The following ROBO2 variants were observed in gnomAD, a reference collection of about 807,000 sequenced individuals.
ROBO2 encodes the protein roundabout guidance receptor 2.
A neutral mutation model predicts 160.8 loss-of-function variants in ROBO2; 53 were observed. The ratio of observed to expected loss-of-function variants is 0.33; its 90% CI spans 0.26 to 0.41. The LOEUF is 0.41. Among genes scored for constraint, ROBO2 ranks in the 10% least tolerant of loss-of-function variants. The pLI, the probability that ROBO2 is intolerant of heterozygous loss-of-function variation, is 1.00. For missense variants in ROBO2, 1,577 were observed against 1,722.4 expected (o/e 0.92, Z 1.49); for synonymous variants, 664 against 611.7 (o/e 1.09, Z -1.26).
At position 76,675,433 on chromosome 3, in the gene ROBO2, A is replaced by G. The variant is rs576868294; in HGVS notation, c.110-422581A>G. Among the ~76,000 whole-genome samples the G allele has an allele frequency of 2.9e-3, 339 of 118,222 alleles. 1 individual carries two copies. The highest frequency in any genetic ancestry group is 0.012 in the African/African-American group (326 of 28,214). The allele number at this position is 118,222 out of a possible 152,430, so 77.6% of individuals were successfully genotyped here. ...ACAATGATTTTCTCCCCAGGGGGGA[A>G]AAAGAAACGAAAACACATTTACAAA... is the stretch of plus-strand genomic sequence containing the variant. On this transcript the variant is annotated intron_variant, in intron 2 of 26. Coordinates refer to the ROBO2 transcript ENST00000487694.
At chr3:77,288,750 TG>T (rs2060798705) in intron 2 of ROBO2, among the ~76,000 whole-genome samples, 1 of 151,998 alleles carries the variant, frequency 6.6e-6, no homozygotes, top group South Asian at 2.1e-4. Flanking sequence ...TCATATGTAC[TG>T]GGGAAAAAAA....
chr3:76,885,506 T>C (rs2073788175), intron 2 of ROBO2, among the ~76,000 whole-genome samples: 1 of 152,184 alleles, frequency 6.6e-6, no homozygotes, highest in Admixed American at 6.5e-5. Context: ...ATGATAGAGT[T>C]AATAAGCAAG....
chr3:77,612,287 T>G (rs1287691686), intron 21 of ROBO2, among the ~76,000 whole-genome samples: 3 of 152,204 alleles, frequency 2.0e-5, no homozygotes, highest in Non-Finnish European at 4.4e-5. Context: ...TGAAGGAAAC[T>G]ATAAAAACAG....
intron 2 of ROBO2, among the ~76,000 whole-genome samples, chr3:77,125,785 A>G (rs1175345388): frequency 2.0e-5 from 3 of 152,222 alleles, no homozygotes; most frequent in East Asian, 1.9e-4. Flanking sequence ...TAACTGAAGT[A>G]TAAGTTGATT....
chr3:76,672,262 T>G (rs1349008), intron 2 of ROBO2, among the ~76,000 whole-genome samples: 49,891 of 151,650 alleles, frequency 0.33, 9,066 homozygotes, highest in East Asian at 0.53. Context: ...AAGGGAGGAT[T>G]CTAGCCATAT....
At chr3:76,601,601 G>A (rs1208150205) in intron 2 of ROBO2, among the ~76,000 whole-genome samples, 1 of 152,130 alleles carries the variant, frequency 6.6e-6, no homozygotes, top group African/African-American at 2.4e-5. Context: ...CGGCCGGAGT[G>A]GCTGGAACAC....
At chr3:76,696,488 T>C (rs2092931300) in intron 2 of ROBO2, among the ~76,000 whole-genome samples, 1 of 152,114 alleles carries the variant, frequency 6.6e-6, no homozygotes, top group Admixed American at 6.5e-5. Context: ...TGCCTGGGTT[T>C]ATATCCCGAT....
intron 2 of ROBO2, among the ~76,000 whole-genome samples, chr3:76,751,845 G>C (rs924227654): frequency 1.3e-5 from 2 of 152,142 alleles, no homozygotes; most frequent in African/African-American, 4.8e-5. Context: ...CTGTTGGCGG[G>C]ACTGTAAACT....
At chr3:77,389,347 A>T (rs1042575741) in intron 2 of ROBO2, among the ~76,000 whole-genome samples, 27 of 151,724 alleles carry the variant, frequency 1.8e-4, no homozygotes, top group African/African-American at 2.2e-4. Flanking sequence ...TTTAAAATTT[A>T]AAAAAAAATC....
At chr3:76,081,667 G>T (rs1269786086) in intron 2 of ROBO2, among the ~76,000 whole-genome samples, 2 of 152,022 alleles carry the variant, frequency 1.3e-5, no homozygotes, top group African/African-American at 4.8e-5. Flanking sequence ...TAGGCTGCTG[G>T]ATAAGGAGCT....
At chr3:76,406,968 C>T (rs1395402161) in intron 2 of ROBO2, among the ~76,000 whole-genome samples, 4 of 150,566 alleles carry the variant, frequency 2.7e-5, no homozygotes, top group Non-Finnish European at 5.9e-5. Context: ...TACAAAACCC[C>T]ACATAAACTG....
chr3:77,323,466 C>A (rs1348658162), intron 2 of ROBO2, among the ~76,000 whole-genome samples: 1 of 152,104 alleles, frequency 6.6e-6, no homozygotes, highest in Non-Finnish European at 1.5e-5. Flanking sequence ...TTGACCTGTT[C>A]TTTCTTCCAA....
chr3:77,059,941 G>A (rs909420280), intron 1 of ROBO2, among the ~76,000 whole-genome samples: 1 of 151,898 alleles, frequency 6.6e-6, no homozygotes, highest in South Asian at 2.1e-4. Flanking sequence ...ACTACACCAG[G>A]GGGGTTACAG....
chr3:77,516,394 A>T (rs1217242510), intron 5 of ROBO2, among the ~76,000 whole-genome samples: 1 of 151,586 alleles, frequency 6.6e-6, no homozygotes, highest in Admixed American at 6.6e-5. Context: ...ATATATTTTT[A>T]TTGTCATATT....
intron 2 of ROBO2, among the ~76,000 whole-genome samples, chr3:76,870,054 A>G (rs1290245558): frequency 3.3e-5 from 5 of 152,020 alleles, no homozygotes; most frequent in Non-Finnish European, 4.4e-5. Flanking sequence ...TGAGAGTGGA[A>G]CTGGAGAAAC....
At chr3:76,765,980 T>TACTC (rs1345446870) in intron 2 of ROBO2, among the ~76,000 whole-genome samples, 3 of 151,740 alleles carry the variant, frequency 2.0e-5, no homozygotes, top group Non-Finnish European at 3.0e-5. Context: ...CTAGGAAACC[T>TACTC]ACTCTTCCTT....
At chr3:76,588,719 T>G (rs1315723417) in intron 2 of ROBO2, among the ~76,000 whole-genome samples, 1 of 152,204 alleles carries the variant, frequency 6.6e-6, no homozygotes, top group Non-Finnish European at 1.5e-5. Flanking sequence ...TACTTTTGAG[T>G]TGAAGATATA....
intron 18 of ROBO2, among the ~76,000 whole-genome samples, 199 bp from the exon 20 acceptor site, chr3:77,596,423 GC>G (rs1406258745): frequency 6.6e-6 from 1 of 152,098 alleles, no homozygotes; most frequent in South Asian, 2.1e-4. Context: ...AAAATCCCGG[GC>G]AAGGACTCCC....
chr3:77,560,408 T>C (rs6808775), intron 9 of ROBO2, among the ~76,000 whole-genome samples: 15,073 of 152,200 alleles, frequency 0.099, 977 homozygotes, highest in Middle Eastern at 0.17. Flanking sequence ...GTGGTGATGA[T>C]GGTAATACCA....
Sources: gnomAD v4.1 joint callset for allele counts (sites outside exome capture counted in the v4.1 genomes callset) on GRCh38, gnomAD v4.1.1 for gene constraint, MANE v1.5 for transcripts, NCBI Gene and HGNC (gene_info 2026-07-23, HGNC 2026-07-21) for gene names.